Variants in ELMO1 observed in about 807,000 individuals in gnomAD.
ELMO1 encodes the protein engulfment and cell motility 1, also known as engulfment and cell motility protein 1.
Under a neutral mutation model 98.9 loss-of-function variants are expected in ELMO1, and 26 were observed. The observed-to-expected ratio is 0.26, with a 90% CI of 0.19 to 0.36. The LOEUF (loss-of-function observed/expected upper bound fraction) is 0.36, where lower values mean the gene tolerates loss of function less well. Among genes scored for constraint, ELMO1 ranks in the 10% least tolerant of loss-of-function variants. The pLI, the probability that ELMO1 is intolerant of heterozygous loss-of-function variation, is 1.00. For missense variants in ELMO1, 627 were observed against 935.2 expected, an observed-to-expected ratio of 0.67 and a Z score of 4.30; for synonymous variants, 346 against 346.0, an observed-to-expected ratio of 1.00 and a Z score of 0.00.
At chr7:37,411,281 C>T (rs759394134) in intron 1 of ELMO1, among the ~76,000 whole-genome samples, 9 of 152,260 alleles carry the variant, frequency 5.9e-5, no homozygotes, top group Middle Eastern at 3.4e-3. Context: ...TACCGCTAGC[C>T]GTTGGTTTCT....
intron 13 of ELMO1, among the ~76,000 whole-genome samples, chr7:37,178,203 A>C (rs1176788840): frequency 1.3e-5 from 2 of 152,040 alleles, no homozygotes; most frequent in African/African-American, 4.8e-5. Flanking sequence ...GTGGCTGGGG[A>C]GGCCTCACAA....
chr7:37,380,383 G>A (rs1460689665), intron 1 of ELMO1, among the ~76,000 whole-genome samples: 3 of 152,284 alleles, frequency 2.0e-5, no homozygotes, highest in South Asian at 4.1e-4. Context: ...TATAGTACCT[G>A]GCTACATAGG....
At chr7:36,874,699 G>A (rs1174982108) in intron 19 of ELMO1, among the ~76,000 whole-genome samples, 2 of 152,202 alleles carry the variant, frequency 1.3e-5, no homozygotes, top group African/African-American at 4.8e-5. Context: ...ATGTGGGAGT[G>A]AGGAATGCTG....
In ELMO1 at chr7:36,853,193, A is replaced by C. The variant is rs759005796; in HGVS notation, c.*2358T>G. On this transcript the variant is annotated 3_prime_UTR_variant, in exon 22 of 22. Coordinates refer to ENST00000310758, the MANE Select transcript of ELMO1 (RefSeq NM_014800.11). ...TGGAAACAGATGGCATACTCTTCAG[A>C]TCTCACAGGTCCAAAGGAGGGTCTA... Among the ~76,000 whole-genome samples, 3 of 152,210 alleles carry C rather than the reference A, an allele frequency of 2.0e-5. No individual in the cohort carries two copies. Among genetic ancestry groups the C allele is most frequent in the Non-Finnish European group, 4.4e-5 (3 of 68,044 alleles).
chr7:37,188,503 A>AAAAAAAC (rs1791379041), intron 13 of ELMO1, among the ~76,000 whole-genome samples: 1 of 137,068 alleles, frequency 7.3e-6, no homozygotes, highest in African/African-American at 2.8e-5. Context: ...AAAAAAAAAA[A>AAAAAAAC]TAATAATAAT....
chr7:37,213,580 G>A, intron 11 of ELMO1, 123 bp from the exon 12 acceptor site: 1 of 854,998 alleles, frequency 1.2e-6, no homozygotes, highest in African/African-American at 1.7e-5. Flanking sequence ...GAAGGAAGGT[G>A]AGGGCACAGG....
intron 18 of ELMO1, among the ~76,000 whole-genome samples, chr7:36,881,221 A>G (rs1170108588): frequency 6.6e-6 from 1 of 152,202 alleles, no homozygotes; most frequent in Non-Finnish European, 1.5e-5. Flanking sequence ...TCCTCACAGT[A>G]AAACTGGAGT....
At chr7:37,133,296 G>A (rs573640525) in intron 13 of ELMO1, 62 bp from the exon 14 acceptor site, 1 of 1,314,676 alleles carries the variant, frequency 7.6e-7, no homozygotes, top group South Asian at 1.3e-5. Context: ...AACCACCAGA[G>A]ATCTGATTTC....
chr7:37,275,299 T>C (rs1373905993), intron 4 of ELMO1, among the ~76,000 whole-genome samples: 3 of 152,232 alleles, frequency 2.0e-5, no homozygotes, highest in Admixed American at 6.5e-5. Context: ...GGAGGAGGGC[T>C]GGAAAAGTTC....
chr7:37,095,875 G>A lies in ELMO1; in HGVS notation c.1300+744C>T, dbSNP rs963692263. ...GGTGCTCATGTTATTAAGCCTGTGC[G>A]GAAAGATTTATATGTGTGCTGGCTT... On this transcript the variant is annotated intron_variant, in intron 15 of 21. Coordinates refer to ENST00000310758, the MANE Select transcript of ELMO1 (RefSeq NM_014800.11). Among the ~76,000 whole-genome samples, 9 of 152,254 alleles carry A rather than the reference G, an allele frequency of 5.9e-5. No individual in the cohort carries two copies. The East Asian group carries it at 7.7e-4, about 13-fold the overall frequency.
Position 37,227,528 on chromosome 7 carries a change from G to C in ELMO1, c.550-2498C>G, listed in dbSNP as rs577241265. ...AGCCTCTTAAGTAGCTGGGATTACAGGCATGCACCACCACGCCAAGCTAAT... is the reference window on the plus strand; with the variant it reads ...AGCCTCTTAAGTAGCTGGGATTACACGCATGCACCACCACGCCAAGCTAAT... On this transcript the variant is annotated intron_variant, in intron 8 of 21. Transcript: ENST00000310758. Among the ~76,000 whole-genome samples, 8 of 152,196 alleles carry C rather than the reference G, an allele frequency of 5.3e-5. No homozygotes were observed. The East Asian group carries it at 1.5e-3, about 29-fold the overall frequency.
intron 1 of ELMO1, among the ~76,000 whole-genome samples, chr7:37,416,513 C>A (rs114158616): frequency 6.6e-6 from 1 of 152,182 alleles, no homozygotes; most frequent in African/African-American, 2.4e-5. Context: ...TCCATGCACA[C>A]GCACAGACCA....
chr7:36,879,721 GA>G (rs1376579998), intron 18 of ELMO1, among the ~76,000 whole-genome samples: 1 of 152,124 alleles, frequency 6.6e-6, no homozygotes, highest in Non-Finnish European at 1.5e-5. Flanking sequence ...AAAGGAATCT[GA>G]ACTCTAGTGG....
intron 16 of ELMO1, among the ~76,000 whole-genome samples, chr7:36,924,295 G>C (rs941788427): frequency 6.6e-5 from 10 of 152,176 alleles, no homozygotes; most frequent in African/African-American, 7.2e-5. Flanking sequence ...CGAGAGGTTT[G>C]CAAGTCCATG....
At chr7:37,438,428 A>G (rs979658290) in intron 1 of ELMO1, among the ~76,000 whole-genome samples, 2 of 102,252 alleles carry the variant, frequency 2.0e-5, no homozygotes, top group African/African-American at 7.5e-5. Context: ...TCTACTAAAA[A>G]TACAAAAAAA....
At chr7:37,294,615 T>C (rs1193652427) in intron 4 of ELMO1, among the ~76,000 whole-genome samples, 3 of 152,224 alleles carry the variant, frequency 2.0e-5, no homozygotes, top group Non-Finnish European at 2.9e-5. Flanking sequence ...AGTACAGTAT[T>C]CTTTGTGATA....
chr7:37,013,432 C>T lies in ELMO1; in HGVS notation c.1304G>A (p.Ser435Asn). ...CEILKVGELP[S>N]ETCNDFHPMF... is the part of the protein sequence containing the mutation. ...CGGGTGGAAGTCGTTGCAGGTCTCACTAGCTGGAGGAAAGAGATGGAAAAT... is the reference window on the plus strand; with the variant it reads ...CGGGTGGAAGTCGTTGCAGGTCTCATTAGCTGGAGGAAAGAGATGGAAAAT... Residue 435 changes from serine to asparagine, a missense_variant, in exon 16 of 22, where the codon AGT (serine) becomes AAT (asparagine). Ser to Asn is a conservative substitution (Grantham distance 46). Transcript: ENST00000310758. 2 of 1,613,822 alleles carry T rather than the reference C, an allele frequency of 1.2e-6. No individual in the cohort carries two copies. The highest frequency in any genetic ancestry group is 8.5e-7 in the Non-Finnish European group (1 of 1,179,872).
chr7:37,053,259 C>A (rs1796208851), intron 15 of ELMO1, among the ~76,000 whole-genome samples: 1 of 149,592 alleles, frequency 6.7e-6, no homozygotes, highest in Non-Finnish European at 1.5e-5. Flanking sequence ...TGCCCCACAA[C>A]TTTGCAGGGC....
chr7:37,023,887 A>G (rs1277679852), intron 15 of ELMO1, among the ~76,000 whole-genome samples: 1 of 152,028 alleles, frequency 6.6e-6, no homozygotes, highest in Non-Finnish European at 1.5e-5. Flanking sequence ...CTATGAATGC[A>G]TTTTCTTTCG....
Sources: allele counts gnomAD v4.1 joint callset (sites outside exome capture counted in the v4.1 genomes callset), GRCh38; gene constraint gnomAD v4.1.1; transcripts MANE v1.5; gene names NCBI Gene and HGNC (gene_info 2026-07-23, HGNC 2026-07-21).